The following WWP2 variants were observed in gnomAD, a reference collection of about 807,000 sequenced individuals.
WWP2 encodes the protein WW domain containing E3 ubiquitin protein ligase 2, also known as NEDD4-like E3 ubiquitin-protein ligase WWP2.
Under a neutral mutation model 121.0 loss-of-function variants are expected in WWP2, and 57 were observed. The ratio of observed to expected loss-of-function variants is 0.47; its 90% CI spans 0.38 to 0.59. The LOEUF is 0.59. Ranked by LOEUF, WWP2 falls within the 20% of genes least tolerant of loss-of-function variation. The probability of loss-of-function intolerance (pLI) is 0.00; values close to 1 mark genes in which losing one functional copy is unlikely to be tolerated. For synonymous variants in WWP2, 449 were observed against 441.3 expected (o/e 1.02, Z -0.22); for missense variants, 962 against 1,158.9 (o/e 0.83, Z 2.47).
chr16:69,899,300 A>G (rs1007136676), intron 8 of WWP2, among the ~76,000 whole-genome samples: 3 of 152,176 alleles, frequency 2.0e-5, no homozygotes, highest in African/African-American at 4.8e-5. Flanking sequence ...GCTTGAGCCC[A>G]GGAGTTCAAG....
In WWP2 at chr16:69,763,074, A is replaced by G. The variant is rs573111339; in HGVS notation, c.-16+683A>G. Among the ~76,000 whole-genome samples, 27 of 152,290 alleles carry G rather than the reference A, an allele frequency of 1.8e-4. No homozygotes were observed. In the South Asian group the frequency reaches 5.4e-3, roughly 30 times the overall value. On this transcript the variant is annotated intron_variant, in intron 1 of 23. Transcript: ENST00000359154. ...AGGCTTTAAAAAACAAAAAAAGAAA[A>G]TAAATTAAAAAAATAAGTGTGGGCA...
At chr16:69,809,516 C>G (rs1468393943) in intron 4 of WWP2, among the ~76,000 whole-genome samples, 1 of 152,066 alleles carries the variant, frequency 6.6e-6, no homozygotes, top group Admixed American at 6.6e-5. Context: ...CCTGTAATCC[C>G]AGCACTTTGG....
At chr16:69,866,798 CCGTATTTA>C (rs1359017578) in intron 6 of WWP2, among the ~76,000 whole-genome samples, 1 of 146,008 alleles carries the variant, frequency 6.8e-6, no homozygotes, top group African/African-American at 2.5e-5. Context: ...GCTTTCAGTT[CCGTATTTA>C]TTTATTTATT....
intron 11 of WWP2, among the ~76,000 whole-genome samples, chr16:69,927,532 G>A (rs927669417): frequency 2.6e-5 from 4 of 152,384 alleles, no homozygotes; most frequent in African/African-American, 9.6e-5. Flanking sequence ...ACTGAATGCC[G>A]CGAGGCAGCC....
chr16:69,769,309 T>C (rs1299644755), intron 1 of WWP2, among the ~76,000 whole-genome samples: 1 of 84,472 alleles, frequency 1.2e-5, no homozygotes, highest in Non-Finnish European at 2.1e-5. Context: ...AGAGCAAGAC[T>C]CCATCTCAAA....
intron 1 of WWP2, among the ~76,000 whole-genome samples, chr16:69,784,251 C>G (rs938601666): frequency 6.6e-6 from 1 of 151,852 alleles, no homozygotes; most frequent in Non-Finnish European, 1.5e-5. Flanking sequence ...AGGCGCCCAC[C>G]ACCATGCCCG....
Position 69,866,135 on chromosome 16 carries a change from A to C in WWP2, c.576-5669A>C, listed in dbSNP as rs547409005. On this transcript the variant is annotated intron_variant, in intron 6 of 23. Transcript: ENST00000359154. ...AAGAGGGGGTCCATTCAGTTGGTTG[A>C]GGAGCTTAGGATTTTATTATTATTT... Among the ~76,000 whole-genome samples, 3 of 152,186 alleles carry C rather than the reference A, an allele frequency of 2.0e-5. No individual in the cohort carries two copies. The East Asian group carries it at 5.8e-4, about 29-fold the overall frequency.
intron 2 of WWP2, among the ~76,000 whole-genome samples, chr16:69,788,849 C>G (rs1322635249): frequency 6.6e-6 from 1 of 152,056 alleles, no homozygotes; most frequent in Non-Finnish European, 1.5e-5. Context: ...GTAAATAGTG[C>G]CTGAACGAAA....
chr16:69,805,572 A>G (rs2056258552), intron 4 of WWP2, among the ~76,000 whole-genome samples: 1 of 147,926 alleles, frequency 6.8e-6, no homozygotes, highest in East Asian at 2.0e-4. Flanking sequence ...AATCTTTTTG[A>G]TTTATTAATC....
At chr16:69,888,354 C>A in intron 8 of WWP2, 105 bp downstream of exon 8, 1 of 1,229,996 alleles carries the variant, frequency 8.1e-7, no homozygotes, top group Non-Finnish European at 1.1e-6. Flanking sequence ...GGCTAGTAGC[C>A]TCTGGGGAGG....
chr16:69,793,390 T>C (rs2055954813), intron 2 of WWP2, among the ~76,000 whole-genome samples: 1 of 152,052 alleles, frequency 6.6e-6, no homozygotes, highest in Non-Finnish European at 1.5e-5. Context: ...TCACTGGGAC[T>C]GTAGCATTGC....
At chr16:69,827,102 C>T (rs554609487) in intron 4 of WWP2, among the ~76,000 whole-genome samples, 2 of 150,150 alleles carry the variant, frequency 1.3e-5, no homozygotes, top group Non-Finnish European at 3.0e-5. Context: ...TGTCATTTCA[C>T]TTGTTGACAC....
chr16:69,859,905 C>T (rs2151901079), intron 6 of WWP2, among the ~76,000 whole-genome samples: 1 of 128,826 alleles, frequency 7.8e-6, no homozygotes, highest in South Asian at 2.9e-4. Flanking sequence ...TTCTTAAGGT[C>T]TGCTGTGGTA....
intron 6 of WWP2, among the ~76,000 whole-genome samples, chr16:69,849,593 G>T (rs2057162555): frequency 6.6e-6 from 1 of 152,048 alleles, no homozygotes; most frequent in Non-Finnish European, 1.5e-5. Flanking sequence ...GGTAAATATG[G>T]AATAGGATTG....
chr16:69,774,385 C>T (rs551549503), intron 1 of WWP2, among the ~76,000 whole-genome samples: 4 of 152,076 alleles, frequency 2.6e-5, no homozygotes, highest in African/African-American at 9.6e-5. Context: ...CTCAGCCTCC[C>T]GAGTAACTGT....
At chr16:69,866,761 G>A (rs1018275082) in intron 6 of WWP2, among the ~76,000 whole-genome samples, 3 of 151,870 alleles carry the variant, frequency 2.0e-5, no homozygotes, top group Non-Finnish European at 4.4e-5. Context: ...GTCTACCTGC[G>A]TGTGCAAATA....
At chr16:69,795,000 A>C (rs1218245778) in intron 2 of WWP2, among the ~76,000 whole-genome samples, 1 of 152,000 alleles carries the variant, frequency 6.6e-6, no homozygotes, top group Non-Finnish European at 1.5e-5. Flanking sequence ...AGATCGCTTG[A>C]GTCCAGGTGG....
chr16:69,917,918 G>C (rs759008625), intron 10 of WWP2, 35 bp downstream of exon 10: 2 of 1,587,594 alleles, frequency 1.3e-6, no homozygotes, highest in Admixed American at 3.4e-5. Flanking sequence ...AGGTGGGGCC[G>C]CCTCCCTGCG....
chr16:69,771,133 A>G (rs2151767772), intron 1 of WWP2, among the ~76,000 whole-genome samples: 1 of 152,232 alleles, frequency 6.6e-6, no homozygotes, highest in Non-Finnish European at 1.5e-5. Flanking sequence ...GACAGGTCTG[A>G]AAGGTTGTTG....
Sources: gnomAD v4.1 joint callset for allele counts (sites outside exome capture counted in the v4.1 genomes callset) on GRCh38, gnomAD v4.1.1 for gene constraint, MANE v1.5 for transcripts, NCBI Gene and HGNC (gene_info 2026-07-23, HGNC 2026-07-21) for gene names.